The following ANK3 variants were observed in gnomAD, a reference collection of about 807,000 sequenced individuals.
ANK3 encodes the protein ankyrin 3.
A neutral mutation model predicts 370.9 loss-of-function variants in ANK3; 57 were observed. The observed-to-expected ratio is 0.15, with a 90% CI of 0.12 to 0.19. ANK3 has a LOEUF of 0.19. Ranked by LOEUF, ANK3 falls within the 10% of genes least tolerant of loss-of-function variation. ANK3 has a pLI of 1.00. For missense variants in ANK3, 4,439 were observed against 5,302.1 expected, an observed-to-expected ratio of 0.84 and a Z score of 5.06; for synonymous variants, 1,929 against 1,946.3, an observed-to-expected ratio of 0.99 and a Z score of 0.23.
chr10:60,046,831 G>C (rs1433476495), intron 42 of ANK3, among the ~76,000 whole-genome samples: 2 of 135,898 alleles, frequency 1.5e-5, no homozygotes, highest in African/African-American at 2.9e-5. Context: ...TTTTGAGATG[G>C]AGTCTCGCTC....
At chr10:60,617,464 C>A (rs1215711110) in intron 1 of ANK3, among the ~76,000 whole-genome samples, 1 of 152,136 alleles carries the variant, frequency 6.6e-6, no homozygotes, top group Admixed American at 6.6e-5. Context: ...TGCTTTGAGG[C>A]ACACCTGAGC....
intron 2 of ANK3, among the ~76,000 whole-genome samples, chr10:60,598,221 A>G (rs2078014120): frequency 6.6e-6 from 1 of 152,224 alleles, no homozygotes. Context: ...CACCTGCCCT[A>G]ATAATCAGAC....
intron 25 of ANK3, among the ~76,000 whole-genome samples, chr10:60,133,350 C>T (rs1037564930): frequency 7.2e-5 from 11 of 152,206 alleles, no homozygotes; most frequent in African/African-American, 2.7e-4. Context: ...AGTAATTATT[C>T]CAGGACCATC....
In ANK3 at chr10:60,055,850, A is replaced by ACCAGAT; in HGVS notation, c.12867_12872dup (p.Ser4290_Gly4291dup). The ACCAGAT allele has an allele frequency of 6.2e-7, 1 of 1,614,108 alleles. No individual in the cohort carries two copies. Among genetic ancestry groups the ACCAGAT allele is most frequent in the Non-Finnish European group, 8.5e-7 (1 of 1,180,002 alleles). ...GTGGTGATGCTGGTTCTTCAACATG[A>ACCAGAT]CCAGATCCATGTATTTTTGGTTTCA... On this transcript the variant is annotated inframe_insertion, in exon 42 of 44. Coordinates refer to ENST00000280772, the MANE Select transcript of ANK3 (RefSeq NM_020987.5).
At chr10:60,572,328 TG>T in intron 2 of ANK3, 2 of 859,300 alleles carry the variant, frequency 2.3e-6, no homozygotes, top group Non-Finnish European at 3.5e-6. Flanking sequence ...ATTAATAGAC[TG>T]GAAAAACAAA....
chr10:60,274,634 C>T (rs1046609414), intron 4 of ANK3, among the ~76,000 whole-genome samples: 3 of 152,120 alleles, frequency 2.0e-5, no homozygotes, highest in Admixed American at 2.0e-4. Flanking sequence ...GGAACCAGGT[C>T]AAAGGGTAAT....
chr10:60,689,830 A>C (rs563556835), intron 1 of ANK3, among the ~76,000 whole-genome samples: 1 of 152,204 alleles, frequency 6.6e-6, no homozygotes, highest in Admixed American at 6.5e-5. Context: ...ATTTATATAG[A>C]TAAAACTCAA....
intron 13 of ANK3, among the ~76,000 whole-genome samples, chr10:60,199,606 G>T (rs1417588387): frequency 6.6e-6 from 1 of 151,852 alleles, no homozygotes; most frequent in Non-Finnish European, 1.5e-5. Flanking sequence ...TAGCCTGACC[G>T]AACTATCTAT....
intron 30 of ANK3, 132 bp downstream of exon 30, chr10:60,086,545 T>C (rs41307575): frequency 9.3e-5 from 69 of 740,326 alleles, no homozygotes; most frequent in Non-Finnish European, 1.3e-4. Flanking sequence ...ACAAGTAAAA[T>C]GTTTTGTTCT....
chr10:60,606,661 C>T (rs1357508290), intron 2 of ANK3, among the ~76,000 whole-genome samples: 2 of 152,050 alleles, frequency 1.3e-5, no homozygotes, highest in Non-Finnish European at 1.5e-5. Flanking sequence ...AATAAGGTAT[C>T]CTGGTAGGAA....
intron 1 of ANK3, among the ~76,000 whole-genome samples, chr10:60,331,704 G>T (rs1297934311): frequency 6.6e-6 from 1 of 151,818 alleles, no homozygotes; most frequent in African/African-American, 2.4e-5. Flanking sequence ...CAGTCTTTTT[G>T]ACAAACACAC....
At chr10:60,296,936 T>G (rs2042650140) in intron 1 of ANK3, among the ~76,000 whole-genome samples, 1 of 152,336 alleles carries the variant, frequency 6.6e-6, no homozygotes, top group South Asian at 2.1e-4. Flanking sequence ...GCTGTGATTG[T>G]GCTACCGCAC....
At position 60,074,429 on chromosome 10, in the gene ANK3, G is replaced by T. The variant is rs775877150; in HGVS notation, c.6452C>A (p.Pro2151Gln). The T allele has an allele frequency of 6.2e-7, 1 of 1,614,082 alleles. No individual in the cohort carries two copies. The highest frequency in any genetic ancestry group is 1.1e-5 in the South Asian group (1 of 91,070). Residue 2151 changes from proline (P) to glutamine (Q), a missense_variant, in exon 37 of 44, where the codon CCA becomes CAA. Transcript: ENST00000280772. ...PQSAESTGPK[P>Q]LFHEVPIPPV... is the part of the protein sequence containing the mutation. ...AGGGATGGGAACTTCATGAAAAAGT[G>T]GTTTAGGACCAGTGCTTTCAGCGCT...
intron 34 of ANK3, 140 bp from the exon 35 acceptor site, chr10:60,082,316 C>G (rs2085472387): frequency 1.2e-6 from 1 of 829,138 alleles, no homozygotes; most frequent in Non-Finnish European, 1.9e-6. Flanking sequence ...TTAAAAAAAG[C>G]CAACAAAAAA....
At chr10:60,240,082 T>C (rs1426119432) in intron 7 of ANK3, among the ~76,000 whole-genome samples, 1 of 139,394 alleles carries the variant, frequency 7.2e-6, no homozygotes, top group Non-Finnish European at 1.5e-5. Flanking sequence ...TATACATATA[T>C]ACACTATATA....
chr10:60,095,363 T>A (rs1589912157), intron 28 of ANK3, among the ~76,000 whole-genome samples: 1 of 152,114 alleles, frequency 6.6e-6, no homozygotes, highest in South Asian at 2.1e-4. Context: ...TAGAGACTGG[T>A]TATTGTTTGT....
At chr10:60,512,855 G>T (rs572789585) in intron 2 of ANK3, among the ~76,000 whole-genome samples, 2 of 152,216 alleles carry the variant, frequency 1.3e-5, no homozygotes, top group Admixed American at 1.3e-4. Context: ...AGTAATGGTG[G>T]CCTCTATTTC....
At chr10:60,275,332 AT>A (rs1404316498) in intron 4 of ANK3, among the ~76,000 whole-genome samples, 2 of 152,282 alleles carry the variant, frequency 1.3e-5, no homozygotes, top group African/African-American at 4.8e-5. Context: ...CAGACTTATA[AT>A]TTTGTAGATA....
chr10:60,172,744 G>T (rs1317801547), intron 20 of ANK3, among the ~76,000 whole-genome samples, 156 bp downstream of exon 20: 1 of 152,086 alleles, frequency 6.6e-6, no homozygotes, highest in Non-Finnish European at 1.5e-5. Flanking sequence ...TCTCTGAACA[G>T]CTCAGAACAA....
Sources: allele counts gnomAD v4.1 joint callset (sites outside exome capture counted in the v4.1 genomes callset), GRCh38; gene constraint gnomAD v4.1.1; transcripts MANE v1.5; gene names NCBI Gene and HGNC (gene_info 2026-07-23, HGNC 2026-07-21).